Variants in HERC2 observed in about 807,000 individuals in gnomAD.
HERC2 encodes the protein HECT and RLD domain containing E3 ubiquitin protein ligase 2, also known as E3 ubiquitin-protein ligase HERC2.
HERC2 carries 102 observed loss-of-function variants against 537.7 expected under a neutral mutation model. That is an observed-to-expected ratio of 0.19 (90% CI 0.16 to 0.22). The LOEUF is 0.22. HERC2 is among the 10% of genes least tolerant of loss of function. The probability of loss-of-function intolerance (pLI) is 1.00; values close to 1 mark genes in which losing one functional copy is unlikely to be tolerated. For missense variants in HERC2, 4,236 were observed against 6,198.2 expected (o/e 0.68, Z 10.63); for synonymous variants, 2,224 against 2,466.2 (o/e 0.90, Z 2.91).
chr15:28,297,447 AGACATT>A (rs2076499778), intron 3 of HERC2, among the ~76,000 whole-genome samples: 1 of 152,250 alleles, frequency 6.6e-6, no homozygotes, highest in South Asian at 2.1e-4. Context: ...AAAACACTAT[AGACATT>A]GACATGGAAA....
At position 28,114,696 on chromosome 15, in the gene HERC2, C is replaced by A; in HGVS notation, c.13829G>T (p.Gly4610Val). 1 of 1,614,094 alleles carries A rather than the reference C, an allele frequency of 6.2e-7. No individual in the cohort carries two copies. Among genetic ancestry groups the A allele is most frequent in the Non-Finnish European group, 8.5e-7 (1 of 1,180,018 alleles). The change falls in exon 90 of 93, where the codon GGC (glycine) becomes GTC (valine). Residue 4610 changes from glycine (G) to valine (V), a missense_variant. By Grantham distance (109) the Gly-to-Val change is moderately radical. Around this residue, in one of 27 missense-constraint regions of HERC2, gnomAD observed 313 missense variants for 462.6 expected, o/e 0.68. Transcript: ENST00000261609. Reference protein sequence around the residue: ...SLPFTVPSASGQDIQLSSKHT... With the variant: ...SLPFTVPSASVQDIQLSSKHT... Reference sequence around the variant, plus strand: ...CTTGGAGCTCAACTGAATGTCCTGGCCACTGGCACTTGGCACTGTGAAGGG... The same window carrying A: ...CTTGGAGCTCAACTGAATGTCCTGGACACTGGCACTTGGCACTGTGAAGGG...
At chr15:28,115,766 C>T (rs1379832404) in intron 88 of HERC2, among the ~76,000 whole-genome samples, 3 of 152,158 alleles carry the variant, frequency 2.0e-5, no homozygotes, top group African/African-American at 7.2e-5. Flanking sequence ...CCTTTCTGCA[C>T]GCACACTAGT....
rs1293376431 is a variant in HERC2 at position 28,248,755 on chromosome 15, G to A, written c.3051-19C>T. 2 of 1,586,790 alleles carry A rather than the reference G, an allele frequency of 1.3e-6. No homozygotes were observed. Among genetic ancestry groups the A allele is most frequent in the Non-Finnish European group, 1.7e-6 (2 of 1,161,804 alleles). On this transcript the variant is annotated intron_variant, in intron 20 of 92. Coordinates refer to ENST00000261609, the MANE Select transcript of HERC2 (RefSeq NM_004667.6). ...AATGTTTCTATACAGGAAAGAAGAG[G>A]ATTACAAAATTAAACAAGATATTTC...
At chr15:28,117,282 C>G in intron 86 of HERC2, 128 bp from the exon 87 acceptor site, 3 of 962,914 alleles carry the variant, frequency 3.1e-6, no homozygotes, top group Non-Finnish European at 4.9e-6. Flanking sequence ...GGTCACACAC[C>G]TGCTTGTGTG....
rs972227981 is a variant in HERC2 at position 28,122,254 on chromosome 15, G to A, written c.13189-825C>T. ...GAGGGAGCAGGTCGGCCATGCCCGT[G>A]GGGAAAGGGCAGAGGATGCGGCACG... On this transcript the variant is annotated intron_variant, in intron 85 of 92. Transcript: ENST00000261609. The surrounding 1 kb of genome is among the most constrained non-coding windows in gnomAD (Gnocchi z 4.1). Among the ~76,000 whole-genome samples, 35 of 152,244 alleles carry A rather than the reference G, an allele frequency of 2.3e-4. 1 individual carries two copies. Among genetic ancestry groups the A allele is most frequent in the African/African-American group, 8.2e-4 (34 of 41,470 alleles).
chr15:28,182,946 C>T (rs1052023228), intron 56 of HERC2, among the ~76,000 whole-genome samples: 1 of 152,212 alleles, frequency 6.6e-6, no homozygotes, highest in African/African-American at 2.4e-5. Context: ...CAAATCTAGA[C>T]AGCTGTTTGG....
At chr15:28,216,018 T>A (rs888948841) in intron 38 of HERC2, among the ~76,000 whole-genome samples, 2 of 152,194 alleles carry the variant, frequency 1.3e-5, no homozygotes, top group African/African-American at 4.8e-5. Flanking sequence ...TTTTCTTTTT[T>A]TTTTTAGAGA....
At chr15:28,247,277 T>A (rs1903797937) in intron 21 of HERC2, among the ~76,000 whole-genome samples, 1 of 151,668 alleles carries the variant, frequency 6.6e-6, no homozygotes, top group Non-Finnish European at 1.5e-5. Flanking sequence ...TCTACAGGCA[T>A]GCACTACCAC....
chr15:28,188,904 A>G (rs1896573508), intron 55 of HERC2, among the ~76,000 whole-genome samples: 1 of 152,118 alleles, frequency 6.6e-6, no homozygotes, highest in Non-Finnish European at 1.5e-5. Flanking sequence ...CCTGGCCAAC[A>G]TGACAAAACC....
chr15:28,217,769 C>T (rs1226842480), intron 38 of HERC2, among the ~76,000 whole-genome samples: 1 of 152,116 alleles, frequency 6.6e-6, no homozygotes, highest in Non-Finnish European at 1.5e-5. Context: ...CAGAAAAGGA[C>T]ATGCAGAACA....
chr15:28,129,921 G>A (rs993950430), intron 83 of HERC2, among the ~76,000 whole-genome samples: 9 of 151,976 alleles, frequency 5.9e-5, no homozygotes, highest in South Asian at 2.1e-4. Flanking sequence ...AGATGCAGGC[G>A]CGCGCCACCA....
chr15:28,212,645 A>G lies in HERC2; in HGVS notation c.6787-62T>C, dbSNP rs1899382737. 11 of 1,557,416 alleles carry G rather than the reference A, an allele frequency of 7.1e-6. No individual in the cohort carries two copies. The South Asian group carries it at 1.1e-4, about 16-fold the overall frequency. ...TACGACTAACAAATGAAACGTTCTG[A>G]AAGTCATCAAAACCATGGGCTTAAT... On this transcript the variant is annotated intron_variant, in intron 42 of 92. Coordinates refer to ENST00000261609, the MANE Select transcript of HERC2 (RefSeq NM_004667.6).
In HERC2 at chr15:28,265,588, C is replaced by G. The variant is rs756763123; in HGVS notation, c.1870+30G>C. 1.3e-6 allele frequency: 2 copies of G among 1,581,036 alleles called. No individual in the cohort carries two copies. The highest frequency in any genetic ancestry group is 1.7e-6 in the Non-Finnish European group (2 of 1,151,238). ...AAGCTGCCATGCGTGTCCTCGTGGG[C>G]CTGTCCAGGGTGGCGAGAGCTCTAC... is the stretch of plus-strand genomic sequence containing the variant. On this transcript the variant is annotated intron_variant, in intron 14 of 92. Transcript: ENST00000261609. The surrounding 1 kb of genome is among the most constrained non-coding windows in gnomAD (Gnocchi z 4.0).
intron 35 of HERC2, among the ~76,000 whole-genome samples, chr15:28,226,012 T>C (rs1020056727): frequency 2.6e-5 from 4 of 152,150 alleles, no homozygotes; most frequent in Admixed American, 6.5e-5. Context: ...TAAAGCAGAA[T>C]TGACACCAAT....
intron 56 of HERC2, 80 bp downstream of exon 56, chr15:28,186,497 A>T: frequency 2.6e-6 from 3 of 1,137,158 alleles, no homozygotes; most frequent in South Asian, 1.5e-5. Context: ...GACACATTCT[A>T]ATTAAATGTT....
intron 36 of HERC2, 54 bp downstream of exon 36, chr15:28,221,974 G>T: frequency 1.9e-6 from 2 of 1,066,324 alleles, no homozygotes; most frequent in Non-Finnish European, 2.9e-6. Context: ...GTACAGAACT[G>T]TGCAGAAGAT....
intron 23 of HERC2, among the ~76,000 whole-genome samples, chr15:28,243,195 TG>T (rs1903307374): frequency 6.6e-6 from 1 of 152,172 alleles, no homozygotes; most frequent in African/African-American, 2.4e-5. Context: ...AAAGACACTA[TG>T]GACAAAATGC....
chr15:28,321,684 T>G (rs1455660310), intron 1 of HERC2, among the ~76,000 whole-genome samples: 1 of 121,150 alleles, frequency 8.3e-6, no homozygotes, highest in African/African-American at 4.2e-5. Flanking sequence ...TGTGCCGAGT[T>G]TCTGCACCAC....
At chr15:28,137,943 A>T (rs1890815778) in intron 78 of HERC2, among the ~76,000 whole-genome samples, 1 of 152,232 alleles carries the variant, frequency 6.6e-6, no homozygotes, top group Non-Finnish European at 1.5e-5. Context: ...GTAAACACAC[A>T]AATGATGAGA....
Sources: allele counts gnomAD v4.1 joint callset (sites outside exome capture counted in the v4.1 genomes callset), GRCh38; gene constraint gnomAD v4.1.1; regional missense constraint gnomAD v4.1.1; non-coding constraint Gnocchi (gnomAD v3.1); transcripts MANE v1.5; gene names NCBI Gene and HGNC (gene_info 2026-07-23, HGNC 2026-07-21).